The following CSMD3 variants were observed in gnomAD, a reference collection of about 807,000 sequenced individuals.
The protein encoded by CSMD3 is CUB and Sushi multiple domains 3, also known as CUB and sushi domain-containing protein 3.
A neutral mutation model predicts 435.2 loss-of-function variants in CSMD3; 177 were observed. The ratio of observed to expected loss-of-function variants is 0.41; its 90% CI spans 0.36 to 0.46. CSMD3 has a LOEUF of 0.46. Among genes scored for constraint, CSMD3 ranks in the 20% least tolerant of loss-of-function variants. The pLI is 0.34. For synonymous variants in CSMD3, 1,656 were observed against 1,520.5 expected (o/e 1.09, Z -2.07); for missense variants, 4,265 against 4,504.6 (o/e 0.95, Z 1.52).
In CSMD3 at chr8:112,320,436, T is replaced by C. The variant is rs543744031; in HGVS notation, c.7166-455A>G. Among the ~76,000 whole-genome samples, 37 of 152,146 alleles carry C rather than the reference T, an allele frequency of 2.4e-4. 1 individual carries two copies. The South Asian group carries it at 7.7e-3, about 32-fold the overall frequency. ...ACAGTATTATAAATACTTAACTCAA[T>C]CCTCACAAAAAAAATTTTCTTATTT... is the stretch of plus-strand genomic sequence containing the variant. On this transcript the variant is annotated intron_variant, in intron 45 of 70. Coordinates refer to ENST00000297405, the MANE Select transcript of CSMD3 (RefSeq NM_198123.2).
chr8:113,391,781 G>A lies in CSMD3; in HGVS notation c.178+44896C>T, dbSNP rs375834022. 2.3e-4 allele frequency among the ~76,000 whole-genome samples: 35 copies of A among 151,986 alleles called. 1 individual carries two copies. The South Asian group carries it at 6.8e-3, about 30-fold the overall frequency. ...AGGATCTAGAAAGAAAAAGAACATGGCAATGATTGCTAGAAGAAGGGGATG... is the reference window on the plus strand; with the variant it reads ...AGGATCTAGAAAGAAAAAGAACATGACAATGATTGCTAGAAGAAGGGGATG... On this transcript the variant is annotated intron_variant, in intron 1 of 70. Coordinates refer to ENST00000297405, the MANE Select transcript of CSMD3 (RefSeq NM_198123.2).
At chr8:112,927,716 T>G (rs563658600) in intron 9 of CSMD3, among the ~76,000 whole-genome samples, 2 of 152,228 alleles carry the variant, frequency 1.3e-5, no homozygotes, top group South Asian at 4.1e-4. Context: ...GAATACCATG[T>G]TTTTTTATAC....
At chr8:112,524,343 A>C (rs1377789434) in intron 27 of CSMD3, among the ~76,000 whole-genome samples, 1 of 151,944 alleles carries the variant, frequency 6.6e-6, no homozygotes, top group Non-Finnish European at 1.5e-5. Flanking sequence ...TAAGTAAAAA[A>C]AAAAAAGAAA....
At chr8:113,383,272 G>C (rs2094425041) in intron 1 of CSMD3, among the ~76,000 whole-genome samples, 1 of 152,088 alleles carries the variant, frequency 6.6e-6, no homozygotes, top group Non-Finnish European at 1.5e-5. Context: ...TAAATAATAA[G>C]AGGATTAAGC....
In CSMD3 at chr8:112,797,092, T is replaced by TC. The variant is rs1259506417; in HGVS notation, c.1972+3069dup. On this transcript the variant is annotated intron_variant, in intron 13 of 70. Transcript: ENST00000297405. ...CTCCATAGAAAAAAGCATTCATAGT[T>TC]CCACAGATTTAAAGCAGAAGTTCTA... Among the ~76,000 whole-genome samples the TC allele has an allele frequency of 2.0e-5, 3 of 152,086 alleles. No homozygotes were observed. In the East Asian group the frequency reaches 5.8e-4, roughly 29 times the overall value.
At chr8:112,713,484 C>T (rs182630504) in intron 13 of CSMD3, among the ~76,000 whole-genome samples, 1 of 151,524 alleles carries the variant, frequency 6.6e-6, no homozygotes, top group African/African-American at 2.4e-5. Context: ...GAGAATGGAA[C>T]CAAGTTGGAA....
chr8:112,584,953 C>T (rs888357109), intron 23 of CSMD3, among the ~76,000 whole-genome samples: 2 of 151,570 alleles, frequency 1.3e-5, no homozygotes, highest in African/African-American at 4.8e-5. Flanking sequence ...GAGAATTAAT[C>T]ATATGTCTTT....
chr8:113,164,042 T>C (rs1419918783), intron 4 of CSMD3, among the ~76,000 whole-genome samples: 1 of 152,022 alleles, frequency 6.6e-6, no homozygotes, highest in Non-Finnish European at 1.5e-5. Context: ...TATTTTCTTT[T>C]ACTTTGTGAG....
At chr8:113,430,490 A>G (rs1053109090) in intron 1 of CSMD3, among the ~76,000 whole-genome samples, 2 of 152,006 alleles carry the variant, frequency 1.3e-5, no homozygotes, top group African/African-American at 4.8e-5. Flanking sequence ...TGCTCTTTCC[A>G]CTTTACTGTA....
chr8:113,208,593 T>C (rs1156747824), intron 3 of CSMD3, among the ~76,000 whole-genome samples: 2 of 152,196 alleles, frequency 1.3e-5, no homozygotes, highest in African/African-American at 4.8e-5. Context: ...TTTTGATCAT[T>C]TCGCACAGAT....
chr8:112,536,309 C>T (rs1171180063), intron 27 of CSMD3, among the ~76,000 whole-genome samples: 1 of 152,176 alleles, frequency 6.6e-6, no homozygotes, highest in Non-Finnish European at 1.5e-5. Context: ...CTACAATGAA[C>T]TCAAACAAAT....
At chr8:113,415,817 T>G (rs1014729315) in intron 1 of CSMD3, among the ~76,000 whole-genome samples, 1 of 152,114 alleles carries the variant, frequency 6.6e-6, no homozygotes, top group Non-Finnish European at 1.5e-5. Context: ...TTTTAACATA[T>G]GACATTGAAT....
At chr8:113,173,639 C>T (rs1207083237) in intron 4 of CSMD3, 83 bp downstream of exon 4, 67 of 1,122,844 alleles carry the variant, frequency 6.0e-5, no homozygotes, top group Non-Finnish European at 9.0e-5. Context: ...CCTTTAGATT[C>T]CGTAGAAGAA....
intron 1 of CSMD3, among the ~76,000 whole-genome samples, chr8:113,338,775 G>A (rs149860059): frequency 1.3e-5 from 2 of 151,808 alleles, no homozygotes; most frequent in Non-Finnish European, 2.9e-5. Context: ...TTTTTCTTTA[G>A]AATAATGTTC....
intron 3 of CSMD3, among the ~76,000 whole-genome samples, chr8:113,264,758 T>C (rs914039264): frequency 6.6e-6 from 1 of 151,706 alleles, no homozygotes; most frequent in Non-Finnish European, 1.5e-5. Flanking sequence ...CCTTAATTAT[T>C]TAATGTAAAT....
intron 9 of CSMD3, among the ~76,000 whole-genome samples, chr8:112,946,716 T>C (rs1410193811): frequency 1.3e-5 from 2 of 151,774 alleles, no homozygotes; most frequent in Non-Finnish European, 3.0e-5. Context: ...CCCAAATCTT[T>C]TGAATTTCTC....
At chr8:113,135,219 T>C (rs934641092) in intron 4 of CSMD3, among the ~76,000 whole-genome samples, 5 of 151,980 alleles carry the variant, frequency 3.3e-5, no homozygotes, top group Non-Finnish European at 7.4e-5. Context: ...TAACTTGTTA[T>C]ATGTACACAC....
chr8:112,510,717 C>A (rs1823029639), intron 28 of CSMD3, among the ~76,000 whole-genome samples: 1 of 152,184 alleles, frequency 6.6e-6, no homozygotes. Flanking sequence ...CTGCCCATCT[C>A]GGTCATTTCT....
intron 11 of CSMD3, among the ~76,000 whole-genome samples, chr8:112,849,433 C>A (rs747090837): frequency 2.0e-5 from 3 of 151,984 alleles, no homozygotes; most frequent in Non-Finnish European, 2.9e-5. Flanking sequence ...TAATTAAAAT[C>A]ATTGTAATTT....
Sources: gnomAD v4.1 joint callset for allele counts (sites outside exome capture counted in the v4.1 genomes callset) on GRCh38, gnomAD v4.1.1 for gene constraint, MANE v1.5 for transcripts, NCBI Gene and HGNC (gene_info 2026-07-23, HGNC 2026-07-21) for gene names.